Variants in SNX5 observed in about 807,000 individuals in gnomAD.
The protein encoded by SNX5 is sorting nexin-5.
A neutral mutation model predicts 53.9 loss-of-function variants in SNX5; 31 were observed. That is an observed-to-expected ratio of 0.58 (90% confidence interval 0.43 to 0.78). The LOEUF (loss-of-function observed/expected upper bound fraction) is 0.78, where lower values mean the gene tolerates loss of function less well. SNX5 is among the 30% of genes least tolerant of loss of function. The pLI, the probability that SNX5 is intolerant of heterozygous loss-of-function variation, is 0.00. For synonymous variants in SNX5, 168 were observed against 171.1 expected, an observed-to-expected ratio of 0.98 and a Z score of 0.14; for missense variants, 471 against 478.8, an observed-to-expected ratio of 0.98 and a Z score of 0.15.
At chr20:17,962,923 G>T (rs748692847) in intron 1 of SNX5, 3 of 517,804 alleles carry the variant, frequency 5.8e-6, no homozygotes, top group Non-Finnish European at 1.2e-5. Flanking sequence ...CTCAGCGAAT[G>T]GATAAACTGA....
chr20:17,958,726 C>T (rs1242269169), intron 1 of SNX5, among the ~76,000 whole-genome samples: 1 of 152,186 alleles, frequency 6.6e-6, no homozygotes, highest in Non-Finnish European at 1.5e-5. Flanking sequence ...TCAAGGTCTG[C>T]GACTTCATTT....
Position 17,960,308 on chromosome 20 carries a change from A to G in SNX5, c.52-3271T>C, listed in dbSNP as rs2035426142. On this transcript the variant is annotated intron_variant, in intron 1 of 12. Transcript: ENST00000377759. ...AAACCCCGTCTCTACTAAAAATACA[A>G]AAAGTGGCCAGGCACGGTGGCTCAC... Among the ~76,000 whole-genome samples the G allele has an allele frequency of 4.6e-5, 7 of 152,126 alleles. No individual in the cohort carries two copies. The South Asian group carries it at 1.4e-3, about 31-fold the overall frequency.
At chr20:17,966,665 T>C (rs1466898014) in intron 1 of SNX5, among the ~76,000 whole-genome samples, 13 of 152,222 alleles carry the variant, frequency 8.5e-5, no homozygotes, top group Admixed American at 8.5e-4. Flanking sequence ...ATTAACTCCA[T>C]CCTTAGGGAG....
At chr20:17,966,513 T>C (rs1488984828) in intron 1 of SNX5, among the ~76,000 whole-genome samples, 1 of 152,144 alleles carries the variant, frequency 6.6e-6, no homozygotes, top group Non-Finnish European at 1.5e-5. Flanking sequence ...CTAAAGAATG[T>C]AACAAAATGC....
At chr20:17,956,333 G>C (rs183138751) in intron 2 of SNX5, among the ~76,000 whole-genome samples, 1 of 152,086 alleles carries the variant, frequency 6.6e-6, no homozygotes, top group African/African-American at 2.4e-5. Context: ...CCGCCCAGGC[G>C]TTAAGAAAAA....
chr20:17,946,342 A>T (rs1181189030), intron 11 of SNX5, among the ~76,000 whole-genome samples: 1 of 152,240 alleles, frequency 6.6e-6, no homozygotes, highest in East Asian at 1.9e-4. Flanking sequence ...AAAGAAAAAG[A>T]ACCCTGGCTC....
At chr20:17,960,985 C>T (rs915368088) in intron 1 of SNX5, among the ~76,000 whole-genome samples, 1 of 152,170 alleles carries the variant, frequency 6.6e-6, no homozygotes, top group Non-Finnish European at 1.5e-5. Flanking sequence ...CCTTACAATA[C>T]GGATTATAAT....
intron 8 of SNX5, among the ~76,000 whole-genome samples, chr20:17,949,433 T>G (rs6080913): frequency 0.095 from 14,392 of 152,244 alleles, 860 homozygotes; most frequent in Middle Eastern, 0.15. Flanking sequence ...AAGCAGTAAA[T>G]ATGCTATTTA....
At chr20:17,953,431 G>A (rs1950502955) in intron 4 of SNX5, among the ~76,000 whole-genome samples, 2 of 152,178 alleles carry the variant, frequency 1.3e-5, no homozygotes, top group East Asian at 1.9e-4. Context: ...CTGTAGACCT[G>A]GACTTCCTCT....
intron 11 of SNX5, chr20:17,943,411 G>C: frequency 1.9e-6 from 1 of 515,556 alleles, no homozygotes; most frequent in Non-Finnish European, 3.5e-6. Flanking sequence ...AAACATCACT[G>C]AATCACCAAG....
At chr20:17,965,916 A>G (rs867081468) in intron 1 of SNX5, among the ~76,000 whole-genome samples, 4 of 152,168 alleles carry the variant, frequency 2.6e-5, no homozygotes, top group Non-Finnish European at 4.4e-5. Flanking sequence ...GGTATTGGTC[A>G]AAGTTCAGGA....
In SNX5 at chr20:17,968,373, A is replaced by C; in HGVS notation, c.51+2T>G. On this transcript the variant is annotated splice_donor_variant, in intron 1 of 12. Coordinates refer to ENST00000377759, the MANE Select transcript of SNX5 (RefSeq NM_014426.4). LOFTEE classifies it high-confidence loss of function. ...AGGAGTCTGAGGCTGGGAGGACCTC[A>C]CCTTGCTGCGGTCCTCCTCCTGCTG... 1 of 1,274,444 alleles carries C rather than the reference A, an allele frequency of 7.8e-7. No individual in the cohort carries two copies. Among genetic ancestry groups the C allele is most frequent in the African/African-American group, 1.5e-5 (1 of 64,606 alleles). 78.9% of individuals were successfully genotyped at this position (1,274,444 alleles called of 1,614,324 possible).
chr20:17,953,944 C>T, intron 4 of SNX5, 52 bp downstream of exon 4: 1 of 1,466,808 alleles, frequency 6.8e-7, no homozygotes. Flanking sequence ...TTGTACACAG[C>T]ACCACTTTTC....
chr20:17,944,527 CTTCCTT>C (rs1430624570), intron 11 of SNX5: 4 of 152,020 alleles, frequency 2.6e-5, no homozygotes, highest in Non-Finnish European at 5.9e-5. Flanking sequence ...TTAGGGCATG[CTTCCTT>C]TTCATCTACT....
chr20:17,956,543 C>T (rs1200425124), intron 2 of SNX5, among the ~76,000 whole-genome samples: 1 of 152,008 alleles, frequency 6.6e-6, no homozygotes, highest in Non-Finnish European at 1.5e-5. Flanking sequence ...AGTGTGGTGG[C>T]TCAGGCCTGT....
Position 17,950,399 on chromosome 20 carries a change from AGAAG to A in SNX5, c.610-7_610-4del, listed in dbSNP as rs748091516. ...TGCTCAAAGAAGTCATCTACCTCCT[AGAAG>A]GAAGAAAAAAAGAACCAGACATTTC... is the stretch of plus-strand genomic sequence containing the variant. On this transcript the variant is annotated splice_polypyrimidine_tract_variant and splice_region_variant and intron_variant, in intron 6 of 12. Transcript: ENST00000377759. 6.5e-7 allele frequency: 1 copy of A among 1,547,586 alleles called. No homozygotes were observed. The highest frequency in any genetic ancestry group is 1.7e-5 in the Admixed American group (1 of 58,022).
intron 2 of SNX5, among the ~76,000 whole-genome samples, chr20:17,955,956 C>T (rs1443542375): frequency 6.6e-6 from 1 of 152,034 alleles, no homozygotes; most frequent in Non-Finnish European, 1.5e-5. Context: ...CTACCACATC[C>T]GGCTAATTTT....
chr20:17,951,959 C>T (rs181185810), intron 5 of SNX5, among the ~76,000 whole-genome samples: 4 of 152,348 alleles, frequency 2.6e-5, no homozygotes, highest in Non-Finnish European at 5.9e-5. Flanking sequence ...CGCAGTGGCT[C>T]ACGCCTGTAA....
Position 17,950,168 on chromosome 20 carries a change from T to C in SNX5, c.755A>G (p.His252Arg), listed in dbSNP as rs767828190. The change falls in exon 8 of 13, where the codon CAT becomes CGT. Residue 252 changes from histidine (H) to arginine (R), a missense_variant. Coordinates refer to ENST00000377759, the MANE Select transcript of SNX5 (RefSeq NM_014426.4). ...TGTGGGCTCTTCTAAAGCCAGGCTA[T>C]GTAAGCAGGCTGCGGTGTGGATATA... ...DDYIHTAACLHSLALEEPTVI... is the reference protein window; with the variant it reads ...DDYIHTAACLRSLALEEPTVI... 19 of 1,614,110 alleles carry C rather than the reference T, an allele frequency of 1.2e-5. No individual in the cohort carries two copies. Among genetic ancestry groups the C allele is most frequent in the Admixed American group, 5.0e-5 (3 of 60,006 alleles).
Sources: gnomAD v4.1 joint callset for allele counts (sites outside exome capture counted in the v4.1 genomes callset) on GRCh38, gnomAD v4.1.1 for gene constraint, MANE v1.5 for transcripts, NCBI Gene and HGNC (gene_info 2026-07-23, HGNC 2026-07-21) for gene names.